Variants in PDLIM5 observed in about 807,000 individuals in gnomAD.
The protein encoded by PDLIM5 is PDZ and LIM domain 5.
PDLIM5 carries 34 observed loss-of-function variants against 64.2 expected under a neutral mutation model. The ratio of observed to expected loss-of-function variants is 0.53; its 90% CI spans 0.40 to 0.71. The LOEUF (loss-of-function observed/expected upper bound fraction) is 0.71. Among genes scored for constraint, PDLIM5 ranks in the 30% least tolerant of loss-of-function variants. The pLI is 0.00. For synonymous variants in PDLIM5, 253 were observed against 269.1 expected, an observed-to-expected ratio of 0.94 and a Z score of 0.59; for missense variants, 683 against 733.6, an observed-to-expected ratio of 0.93 and a Z score of 0.80.
At chr4:94,452,946 C>T (rs1041889433) in intron 1 of PDLIM5, among the ~76,000 whole-genome samples, 2 of 152,202 alleles carry the variant, frequency 1.3e-5, no homozygotes, top group Non-Finnish European at 2.9e-5. Context: ...CCTACATTCT[C>T]TCTCCATTGC....
At chr4:94,464,005 C>T (rs971558329) in intron 2 of PDLIM5, among the ~76,000 whole-genome samples, 1 of 152,102 alleles carries the variant, frequency 6.6e-6, no homozygotes, top group African/African-American at 2.4e-5. Flanking sequence ...GTGTGAGCAG[C>T]AGAGTGTATG....
intron 2 of PDLIM5, among the ~76,000 whole-genome samples, chr4:94,459,188 T>C (rs1406007505): frequency 6.6e-6 from 1 of 152,240 alleles, no homozygotes; most frequent in Non-Finnish European, 1.5e-5. Flanking sequence ...TAACATCTTT[T>C]AAGTTGTTAT....
chr4:94,475,277 A>G (rs975614666), intron 2 of PDLIM5, among the ~76,000 whole-genome samples: 1 of 152,184 alleles, frequency 6.6e-6, no homozygotes, highest in African/African-American at 2.4e-5. Context: ...AATGCTCTGA[A>G]TGCCATGCAG....
chr4:94,597,698 A>G (rs1461299032), intron 7 of PDLIM5, among the ~76,000 whole-genome samples: 2 of 151,966 alleles, frequency 1.3e-5, no homozygotes. Flanking sequence ...TTCACTGAGT[A>G]CTATCTGCGT....
intron 2 of PDLIM5, among the ~76,000 whole-genome samples, chr4:94,509,805 G>C (rs1041711242): frequency 6.6e-6 from 1 of 152,192 alleles, no homozygotes; most frequent in East Asian, 1.9e-4. Flanking sequence ...ACATTTTTCT[G>C]TCTGCTTTAT....
At chr4:94,468,228 A>G (rs925427400) in intron 2 of PDLIM5, among the ~76,000 whole-genome samples, 1 of 151,918 alleles carries the variant, frequency 6.6e-6, no homozygotes, top group African/African-American at 2.4e-5. Context: ...TCAGAGCTCC[A>G]TGCAGCCTTG....
At chr4:94,555,871 G>T (rs916610328) in intron 3 of PDLIM5, among the ~76,000 whole-genome samples, 2 of 151,164 alleles carry the variant, frequency 1.3e-5, no homozygotes, top group African/African-American at 4.8e-5. Context: ...TAATTAACTT[G>T]GGCAAGTTTA....
At chr4:94,524,558 T>C (rs1053739748) in intron 3 of PDLIM5, among the ~76,000 whole-genome samples, 1 of 151,880 alleles carries the variant, frequency 6.6e-6, no homozygotes, top group Non-Finnish European at 1.5e-5. Context: ...TTTTTTTTTT[T>C]CTGAGTAGAA....
chr4:94,597,255 A>G (rs1156428417), intron 7 of PDLIM5, among the ~76,000 whole-genome samples: 2 of 152,192 alleles, frequency 1.3e-5, no homozygotes, highest in African/African-American at 4.8e-5. Flanking sequence ...GCTTTAATAC[A>G]GAGAAGTAAC....
chr4:94,608,034 A>G lies in PDLIM5; in HGVS notation c.921-9970A>G, dbSNP rs190951429. 11 of 1,495,660 alleles carry G rather than the reference A, an allele frequency of 7.4e-6. No homozygotes were observed. The African/African-American group carries it at 1.2e-4, about 17-fold the overall frequency. The allele number at this position is 1,495,660 out of a possible 1,614,324, so 92.6% of individuals were successfully genotyped here. On this transcript the variant is annotated intron_variant, in intron 7 of 12. Coordinates refer to ENST00000317968, the MANE Select transcript of PDLIM5 (RefSeq NM_006457.5). ...TTTTCATTAATATTTCCTTTGCCTT[A>G]TATATTTTACTTCTGAAAACTTAGG...
chr4:94,588,693 A>G (rs948301986), intron 7 of PDLIM5, among the ~76,000 whole-genome samples: 8 of 152,176 alleles, frequency 5.3e-5, no homozygotes, highest in Non-Finnish European at 1.0e-4. Flanking sequence ...TCAGTTGACT[A>G]TTGTGCAACA....
At chr4:94,544,453 G>C (rs1027754578) in intron 3 of PDLIM5, among the ~76,000 whole-genome samples, 1 of 152,188 alleles carries the variant, frequency 6.6e-6, no homozygotes, top group Non-Finnish European at 1.5e-5. Context: ...CAGTGTGGGA[G>C]TGGGCTCAAG....
chr4:94,491,626 G>A (rs896224140), intron 2 of PDLIM5, among the ~76,000 whole-genome samples: 19 of 152,128 alleles, frequency 1.2e-4, no homozygotes, highest in African/African-American at 4.3e-4. Context: ...CATTGGTAAG[G>A]TGAATGTGCA....
intron 2 of PDLIM5, among the ~76,000 whole-genome samples, chr4:94,501,076 C>T (rs1727872280): frequency 7.9e-6 from 1 of 125,970 alleles, no homozygotes; most frequent in Non-Finnish European, 1.6e-5. Context: ...GCCACTATAC[C>T]TGGCCTTTTT....
chr4:94,482,830 C>T (rs1402552794), intron 2 of PDLIM5, among the ~76,000 whole-genome samples: 1 of 152,050 alleles, frequency 6.6e-6, no homozygotes, highest in Non-Finnish European at 1.5e-5. Context: ...TCAAGGCTGC[C>T]CTGAGCCATG....
chr4:94,659,970 C>T (rs545051904), intron 11 of PDLIM5, among the ~76,000 whole-genome samples: 8 of 150,854 alleles, frequency 5.3e-5, no homozygotes, highest in Non-Finnish European at 1.0e-4. Context: ...GATCTCGGCT[C>T]ACCGTAACCT....
intron 11 of PDLIM5, among the ~76,000 whole-genome samples, chr4:94,660,964 A>G (rs368956755): frequency 2.0e-3 from 303 of 152,216 alleles, no homozygotes; most frequent in African/African-American, 7.0e-3. Flanking sequence ...GGCACCTGTA[A>G]TCCCAACTGC....
intron 9 of PDLIM5, among the ~76,000 whole-genome samples, chr4:94,645,913 G>C (rs370247589): frequency 4.6e-5 from 7 of 152,154 alleles, no homozygotes; most frequent in African/African-American, 1.7e-4. Flanking sequence ...GTGTTTGAAT[G>C]AGAAAGAAGA....
chr4:94,625,771 CCT>C (rs1414598692), intron 8 of PDLIM5, among the ~76,000 whole-genome samples: 1 of 152,094 alleles, frequency 6.6e-6, no homozygotes, highest in Non-Finnish European at 1.5e-5. Flanking sequence ...ACATTCTTAA[CCT>C]CTGATAGTCC....
Sources: gnomAD v4.1 joint callset for allele counts (sites outside exome capture counted in the v4.1 genomes callset) on GRCh38, gnomAD v4.1.1 for gene constraint, MANE v1.5 for transcripts, NCBI Gene and HGNC (gene_info 2026-07-23, HGNC 2026-07-21) for gene names.